The following SH3D21 variants were observed in gnomAD, a reference collection of about 807,000 sequenced individuals.
SH3D21 encodes manchette microtubule inner protein 1.
Under a neutral mutation model 82.1 loss-of-function variants are expected in SH3D21, and 83 were observed. The ratio of observed to expected loss-of-function variants is 1.01; its 90% CI spans 0.85 to 1.21. The LOEUF (loss-of-function observed/expected upper bound fraction) is 1.21. SH3D21 is among the 50% of genes most tolerant of loss of function. SH3D21 has a pLI of 0.00. For synonymous variants in SH3D21, 383 were observed against 387.8 expected (o/e 0.99, Z 0.15); for missense variants, 980 against 962.1 (o/e 1.02, Z -0.25).
intron 10 of SH3D21, among the ~76,000 whole-genome samples, chr1:36,317,888 C>T (rs990491313): frequency 2.0e-5 from 3 of 152,164 alleles, no homozygotes; most frequent in Non-Finnish European, 4.4e-5. Context: ...TTGTCAGTCA[C>T]GCTTAATAAC....
intron 10 of SH3D21, among the ~76,000 whole-genome samples, chr1:36,315,913 G>T (rs1646334669): frequency 6.6e-6 from 1 of 152,188 alleles, no homozygotes; most frequent in Admixed American, 6.5e-5. Flanking sequence ...TCTTTTTCAA[G>T]AATGCTATTT....
Position 36,314,255 on chromosome 1 carries a change from G to A in SH3D21, c.769+4665G>A, listed in dbSNP as rs183777548. Among the ~76,000 whole-genome samples, 487 of 151,484 alleles carry A rather than the reference G, an allele frequency of 3.2e-3. 3 individuals are homozygous for A. The highest frequency in any genetic ancestry group is 0.011 in the African/African-American group (467 of 41,364). ...CTCCCAAAGTGCTGGGATTACAAGC[G>A]TGAGCCACCGCGCCCGGCCCGATGC... is the stretch of plus-strand genomic sequence containing the variant. On this transcript the variant is annotated intron_variant, in intron 10 of 15. Transcript: ENST00000453908.
rs768059417 is a variant in SH3D21, at chr1:36,320,692, C to T, written c.2029C>T (p.Pro677Ser). 3 of 1,614,230 alleles carry T rather than the reference C, an allele frequency of 1.9e-6. No individual in the cohort carries two copies. Among genetic ancestry groups the T allele is most frequent in the South Asian group, 1.1e-5 (1 of 91,086 alleles). Residue 677 changes from proline to serine, a missense_variant, in exon 14 of 16, where the codon CCG (proline) becomes TCG (serine). By Grantham distance (74) the Pro-to-Ser change is moderately conservative. Transcript: ENST00000453908. Reference sequence around the variant, plus strand: ...GACGCTCGCGCTCCCCTCGCTGGTCCCGCAAAACTACACGGAAAACAAGAA... The same window carrying T: ...GACGCTCGCGCTCCCCTCGCTGGTCTCGCAAAACTACACGGAAAACAAGAA... ...QETLALPSLV[P>S]QNYTENKNEG...
At chr1:36,310,937 C>T (rs113224430) in intron 10 of SH3D21, among the ~76,000 whole-genome samples, 4,528 of 151,906 alleles carry the variant, frequency 0.03, 250 homozygotes, top group African/African-American at 0.1. Context: ...GAGACAGAGT[C>T]TCTCTCTGTT....
chr1:36,320,940 G>C lies in SH3D21; in HGVS notation c.2161G>C (p.Glu721Gln). 1 of 1,567,708 alleles carries C rather than the reference G, an allele frequency of 6.4e-7. No homozygotes were observed. The highest frequency in any genetic ancestry group is 8.6e-7 in the Non-Finnish European group (1 of 1,156,314). ...LERKLTDIWE[E>Q]LKSEKEQRRR... is the part of the protein sequence containing the mutation. ...GAGGAAGCTGACCGACATCTGGGAG[G>C]AGCTGAAGAGCGAGAAGGAGCAGCG... Residue 721 changes from glutamate (E) to glutamine (Q), a missense_variant, in exon 15 of 16, where the codon GAG becomes CAG. Coordinates refer to ENST00000453908, the MANE Select transcript of SH3D21 (RefSeq NM_001162530.2).
At chr1:36,329,012 A>G (rs990741945), downstream of SH3D21, 1 of 152,242 alleles carries the variant, frequency 6.6e-6, no homozygotes, top group Non-Finnish European at 1.5e-5. Context: ...TGCAGAGCCC[A>G]TGCTCCCCAC....
Position 36,306,868 on chromosome 1 carries a change from C to T in SH3D21, c.189C>T (p.Ser63=). ...VQEIPETLRG[S]GEARRPRCAR... ...AGATCCCAGAGACCCTGCGGGGCTC[C>T]GGAGAGGCGCGGAGGCCGCGCTGTG... The change falls in exon 3 of 16, where the codon TCC becomes TCT. Residue 63 remains serine, a synonymous_variant. Coordinates refer to ENST00000453908, the MANE Select transcript of SH3D21 (RefSeq NM_001162530.2). This position sits in a 1 kb window ranked among gnomAD's most constrained non-coding sequence, Gnocchi z 4.5. The T allele has an allele frequency of 7.7e-7, 1 of 1,297,922 alleles. No homozygotes were observed. 80.4% of individuals were successfully genotyped at this position (1,297,922 alleles called of 1,614,324 possible).
At chr1:36,327,195 C>G (rs981027548), downstream of SH3D21, among the ~76,000 whole-genome samples, 20 of 152,172 alleles carry the variant, frequency 1.3e-4, no homozygotes, top group Admixed American at 1.2e-3. Flanking sequence ...AGAATTTGCC[C>G]ACTGCCTTGG....
chr1:36,307,707 GA>G lies in SH3D21; in HGVS notation c.437-62del. ...CATATCCTGACCCTGTGACCCCTCT[GA>G]CCCTCTCCCATGACCTAACCTGTGA... On this transcript the variant is annotated intron_variant, in intron 5 of 15. Coordinates refer to ENST00000453908, the MANE Select transcript of SH3D21 (RefSeq NM_001162530.2). The surrounding 1 kb of genome is among the most constrained non-coding windows in gnomAD (Gnocchi z 5.4). 1 of 1,541,264 alleles carries G rather than the reference GA, an allele frequency of 6.5e-7. No individual in the cohort carries two copies. The highest frequency in any genetic ancestry group is 1.7e-4 in the Middle Eastern group (1 of 5,962).
At chr1:36,319,222 G>A in intron 11 of SH3D21, 38 bp from the exon 12 acceptor site, 8 of 1,551,392 alleles carry the variant, frequency 5.2e-6, no homozygotes, top group Non-Finnish European at 7.0e-6. Context: ...GCCCCTCCCT[G>A]TGCCCCACCC....
chr1:36,319,345 C>T, intron 12 of SH3D21, 33 bp downstream of exon 12: 1 of 1,551,308 alleles, frequency 6.4e-7, no homozygotes, highest in South Asian at 1.2e-5. Context: ...GCGGGGAGGA[C>T]TGGAGGACAG....
downstream of SH3D21, chr1:36,322,177 C>A: frequency 7.3e-7 from 1 of 1,365,758 alleles, no homozygotes; most frequent in East Asian, 2.8e-5. Flanking sequence ...GGGTGGCGGT[C>A]CACGCCCAGT....
intron 9 of SH3D21, among the ~76,000 whole-genome samples, chr1:36,308,958 A>G (rs1029200012): frequency 4.2e-5 from 6 of 142,700 alleles, no homozygotes; most frequent in African/African-American, 8.1e-5. Flanking sequence ...TCTCAAAAAG[A>G]AAAAAAAAAA....
downstream of SH3D21, among the ~76,000 whole-genome samples, chr1:36,325,810 C>T (rs1646537118): frequency 1.3e-5 from 2 of 152,350 alleles, no homozygotes; most frequent in African/African-American, 4.8e-5. Flanking sequence ...TCCCAAAGTG[C>T]AGGGATTACG....
At chr1:36,322,978 G>A, downstream of SH3D21, 1 of 1,606,658 alleles carries the variant, frequency 6.2e-7, no homozygotes, top group East Asian at 2.2e-5. Context: ...CACCGCGGAT[G>A]TGCGCGTAGG....
Position 36,307,491 on chromosome 1 carries a change from G to A in SH3D21, c.346-26G>A. On this transcript the variant is annotated intron_variant, in intron 4 of 15. Transcript: ENST00000453908. This position sits in a 1 kb window ranked among gnomAD's most constrained non-coding sequence, Gnocchi z 5.4. ...AGGGACTCTTGGGGCAGAACCAGACGCCTCTGCGTCCTCCCCTCTCCCCAG... is the reference window on the plus strand; with the variant it reads ...AGGGACTCTTGGGGCAGAACCAGACACCTCTGCGTCCTCCCCTCTCCCCAG... The A allele has an allele frequency of 1.3e-6, 2 of 1,549,840 alleles. No homozygotes were observed. Among genetic ancestry groups the A allele is most frequent in the Admixed American group, 2.0e-5 (1 of 50,876 alleles).
At chr1:36,311,958 G>C (rs1646248997) in intron 10 of SH3D21, among the ~76,000 whole-genome samples, 1 of 152,104 alleles carries the variant, frequency 6.6e-6, no homozygotes, top group African/African-American at 2.4e-5. Context: ...GCCTCCCAAA[G>C]TGCTGGGATT....
downstream of SH3D21, among the ~76,000 whole-genome samples, chr1:36,325,533 G>GT (rs367578761): frequency 1.3e-3 from 199 of 148,528 alleles, no homozygotes; most frequent in South Asian, 7.1e-3. Context: ...CTGAGGGACA[G>GT]TTTTTTTTTT....
At chr1:36,312,727 T>C (rs1256479714) in intron 10 of SH3D21, among the ~76,000 whole-genome samples, 1 of 152,174 alleles carries the variant, frequency 6.6e-6, no homozygotes, top group Non-Finnish European at 1.5e-5. Context: ...TTACTGTCTT[T>C]TGAGACAGAG....
Sources: allele counts gnomAD v4.1 joint callset (sites outside exome capture counted in the v4.1 genomes callset), GRCh38; gene constraint gnomAD v4.1.1; non-coding constraint Gnocchi (gnomAD v3.1); transcripts MANE v1.5; gene names NCBI Gene and HGNC (gene_info 2026-07-23, HGNC 2026-07-21).